Variants in UTRN observed in about 807,000 individuals in gnomAD.
The protein encoded by UTRN is dystrophin-related protein 1.
Under a neutral mutation model 463.9 loss-of-function variants are expected in UTRN, and 283 were observed. The ratio of observed to expected loss-of-function variants is 0.61; its 90% CI spans 0.55 to 0.67. UTRN has a LOEUF of 0.67. Among genes scored for constraint, UTRN ranks in the 30% least tolerant of loss-of-function variants. The pLI, the probability that UTRN is intolerant of heterozygous loss-of-function variation, is 0.00. For synonymous variants in UTRN, 1,442 were observed against 1,431.5 expected (o/e 1.01, Z -0.17); for missense variants, 3,922 against 4,084.3 (o/e 0.96, Z 1.08).
chr6:144,630,408 C>T (rs1231373939), intron 51 of UTRN, among the ~76,000 whole-genome samples: 2 of 152,188 alleles, frequency 1.3e-5, no homozygotes, highest in Non-Finnish European at 2.9e-5. Flanking sequence ...TTCCACATGG[C>T]TGGGGAGGCC....
At position 144,789,197 on chromosome 6, in the gene UTRN, T is replaced by C. The variant is rs1285706380; in HGVS notation, c.8838T>C (p.Gly2946=). 1.9e-6 allele frequency: 3 copies of C among 1,612,486 alleles called. No individual in the cohort carries two copies. The highest frequency in any genetic ancestry group is 1.7e-5 in the Admixed American group (1 of 59,852). Residue 2946 remains glycine (G), a synonymous_variant, in exon 62 of 75, where the codon GGT becomes GGC. Coordinates refer to ENST00000367545, the MANE Select transcript of UTRN (RefSeq NM_007124.3). ...LNWLLNVYDT[G]RTGKIRVQSL... is the part of the protein sequence containing the mutation. ...ATTAACATTCTTATAATTTTAGGGG[T>C]CGAACTGGAAAAATTAGAGTGCAGA...
intron 2 of UTRN, among the ~76,000 whole-genome samples, chr6:144,308,731 A>T (rs574973853): frequency 7.2e-5 from 11 of 152,028 alleles, no homozygotes; most frequent in African/African-American, 2.4e-4. Flanking sequence ...TCCTTTACTT[A>T]CTCAAAGTCA....
chr6:144,319,524 A>G (rs9689428), intron 2 of UTRN, among the ~76,000 whole-genome samples: 2,838 of 152,310 alleles, frequency 0.019, 99 homozygotes, highest in African/African-American at 0.065. Flanking sequence ...CTTATATACC[A>G]TAAGATTTAG....
intron 25 of UTRN, among the ~76,000 whole-genome samples, chr6:144,475,352 T>A (rs1562457445): frequency 6.6e-6 from 1 of 152,186 alleles, no homozygotes; most frequent in Non-Finnish European, 1.5e-5. Flanking sequence ...ATAGCAGGCT[T>A]TAAAACTCTG....
chr6:144,671,122 C>CT (rs1332180498), intron 51 of UTRN, among the ~76,000 whole-genome samples: 1 of 146,606 alleles, frequency 6.8e-6, no homozygotes, highest in Admixed American at 6.9e-5. Flanking sequence ...ATGTGGGGTC[C>CT]TTTTTGCTTC....
chr6:144,311,056 A>G (rs1043303537), intron 2 of UTRN, among the ~76,000 whole-genome samples: 4 of 152,310 alleles, frequency 2.6e-5, no homozygotes, highest in East Asian at 1.9e-4. Flanking sequence ...ATTATATTAC[A>G]TTTTTAGTTG....
At chr6:144,440,225 G>C (rs1316716238) in intron 12 of UTRN, 127 bp from the exon 13 acceptor site, 1 of 904,822 alleles carries the variant, frequency 1.1e-6, no homozygotes, top group Non-Finnish European at 1.7e-6. Context: ...GAACAGTTAG[G>C]GTAATGATTG....
At position 144,803,032 on chromosome 6, in the gene UTRN, C is replaced by A; in HGVS notation, c.9246-4C>A. On this transcript the variant is annotated splice_region_variant and splice_polypyrimidine_tract_variant and intron_variant, in intron 64 of 74. Transcript: ENST00000367545. ...GCCAATAAATTTTCTTTTGTTTTCT[C>A]TAGGTATAGAAGCCTTAAGCATTTT... 6.5e-7 allele frequency: 1 copy of A among 1,541,820 alleles called. No homozygotes were observed. Among genetic ancestry groups the A allele is most frequent in the African/African-American group, 1.4e-5 (1 of 71,938 alleles).
At chr6:144,772,014 C>CA in intron 59 of UTRN, 46 bp downstream of exon 59, 2 of 279,196 alleles carry the variant, frequency 7.2e-6, no homozygotes, top group Non-Finnish European at 1.4e-5. Context: ...AACTGAGAAC[C>CA]GGTTTTTTTT....
At chr6:144,467,399 C>T (rs1200651517) in intron 23 of UTRN, among the ~76,000 whole-genome samples, 1 of 152,204 alleles carries the variant, frequency 6.6e-6, no homozygotes, top group African/African-American at 2.4e-5. Context: ...TCCCACGAGG[C>T]ATGAGCTCTT....
intron 2 of UTRN, among the ~76,000 whole-genome samples, chr6:144,380,940 G>C (rs1331187277): frequency 1.3e-5 from 2 of 152,068 alleles, no homozygotes; most frequent in African/African-American, 4.8e-5. Context: ...AAAGTGAGCA[G>C]AAGTGAGGCA....
intron 64 of UTRN, among the ~76,000 whole-genome samples, chr6:144,799,702 T>C (rs950733170): frequency 2.0e-5 from 3 of 152,220 alleles, no homozygotes; most frequent in African/African-American, 7.2e-5. Flanking sequence ...GTTATTTTAG[T>C]CACTTTTCTT....
At chr6:144,789,305 C>T in intron 62 of UTRN, 26 bp downstream of exon 62, 1 of 1,526,180 alleles carries the variant, frequency 6.6e-7, no homozygotes, top group Non-Finnish European at 9.0e-7. Flanking sequence ...CTTATACCAA[C>T]AGTGTTTTTA....
At chr6:144,821,255 T>C (rs897648351) in intron 66 of UTRN, among the ~76,000 whole-genome samples, 12 of 152,324 alleles carry the variant, frequency 7.9e-5, no homozygotes, top group Admixed American at 2.0e-4. Context: ...TGTATTAATA[T>C]GTCAACCTTA....
intron 27 of UTRN, among the ~76,000 whole-genome samples, chr6:144,483,072 C>T (rs987501925): frequency 3.3e-5 from 5 of 152,054 alleles, no homozygotes; most frequent in Admixed American, 6.6e-5. Context: ...TTCAATTTGA[C>T]GTAAAACAAA....
chr6:144,787,791 A>G (rs1455548339), intron 61 of UTRN, among the ~76,000 whole-genome samples: 1 of 152,180 alleles, frequency 6.6e-6, no homozygotes, highest in Non-Finnish European at 1.5e-5. Context: ...ACATTCATAT[A>G]TTTATGTAAA....
chr6:144,536,858 T>A (rs1488815406), intron 43 of UTRN, among the ~76,000 whole-genome samples: 1 of 152,084 alleles, frequency 6.6e-6, no homozygotes, highest in Admixed American at 6.5e-5. Flanking sequence ...GTTTATATTC[T>A]TATAAATGTT....
intron 51 of UTRN, among the ~76,000 whole-genome samples, chr6:144,579,559 A>G (rs950170338): frequency 2.0e-5 from 3 of 152,220 alleles, no homozygotes; most frequent in Non-Finnish European, 4.4e-5. Context: ...TATTCTTACC[A>G]TAGCTAAGAC....
chr6:144,435,086 A>T (rs1786404909), intron 9 of UTRN, among the ~76,000 whole-genome samples: 2 of 152,206 alleles, frequency 1.3e-5, no homozygotes, highest in Non-Finnish European at 2.9e-5. Flanking sequence ...GTTGAAGTTA[A>T]AGGGAATGTT....
Sources: gnomAD v4.1 joint callset for allele counts (sites outside exome capture counted in the v4.1 genomes callset) on GRCh38, gnomAD v4.1.1 for gene constraint, MANE v1.5 for transcripts, NCBI Gene and HGNC (gene_info 2026-07-23, HGNC 2026-07-21) for gene names.